BBOF1: variants seen among roughly 807,000 people sequenced by gnomAD.
The protein encoded by BBOF1 is basal body-orientation factor 1.
A neutral mutation model predicts 68.0 loss-of-function variants in BBOF1; 62 were observed. The ratio of observed to expected loss-of-function variants is 0.91; its 90% confidence interval spans 0.74 to 1.13. The LOEUF (loss-of-function observed/expected upper bound fraction) is 1.13, where lower values mean the gene tolerates loss of function less well. Ranked by LOEUF, BBOF1 falls within the 50% of genes most tolerant of loss-of-function variation. The probability of loss-of-function intolerance (pLI) is 0.00; values close to 1 mark genes in which losing one functional copy is unlikely to be tolerated. For missense variants in BBOF1, 534 were observed against 600.1 expected (o/e 0.89, Z 1.15); for synonymous variants, 208 against 198.8 (o/e 1.05, Z -0.39).
chr14:74,037,232 C>T (rs867569389), intron 4 of BBOF1, among the ~76,000 whole-genome samples: 7 of 148,298 alleles, frequency 4.7e-5, no homozygotes, highest in Middle Eastern at 3.6e-3. Flanking sequence ...CTCGGCCTCC[C>T]AAAGTGCTGG....
chr14:74,050,999 T>G (rs895535471), intron 8 of BBOF1, among the ~76,000 whole-genome samples: 1 of 151,722 alleles, frequency 6.6e-6, no homozygotes, highest in Non-Finnish European at 1.5e-5. Flanking sequence ...ATCCCAGCAC[T>G]TTGGGAGGCC....
intron 11 of BBOF1, chr14:74,059,325 T>C (rs566392656): frequency 8.8e-6 from 4 of 455,496 alleles, no homozygotes; most frequent in Non-Finnish European, 1.8e-5. Context: ...AAGGCAGGTG[T>C]CTTACCCATT....
At chr14:74,030,313 C>T (rs1018548679) in intron 3 of BBOF1, among the ~76,000 whole-genome samples, 4 of 151,904 alleles carry the variant, frequency 2.6e-5, no homozygotes, top group Non-Finnish European at 4.4e-5. Context: ...CTCAGCCTCC[C>T]GAGTAGCTAA....
intron 3 of BBOF1, among the ~76,000 whole-genome samples, chr14:74,029,742 A>G (rs1286090826): frequency 6.6e-6 from 1 of 152,100 alleles, no homozygotes; most frequent in Non-Finnish European, 1.5e-5. Context: ...GTAAAAAACC[A>G]TATAATATTA....
intron 5 of BBOF1, 140 bp from the exon 6 acceptor site, chr14:74,045,920 G>A (rs2059937868): frequency 3.1e-6 from 2 of 637,662 alleles, no homozygotes; most frequent in Admixed American, 3.3e-5. Context: ...CTCTTTGTCA[G>A]CTTCTCCACC....
At chr14:74,040,925 T>C (rs2059813598) in intron 5 of BBOF1, 1 of 407,846 alleles carries the variant, frequency 2.5e-6, no homozygotes, top group Admixed American at 4.4e-5. Context: ...TAAAGCTATG[T>C]GTACTCCCAT....
intron 2 of BBOF1, among the ~76,000 whole-genome samples, chr14:74,024,020 T>C (rs531568891): frequency 1.7e-4 from 26 of 152,184 alleles, no homozygotes; most frequent in Non-Finnish European, 1.9e-4. Context: ...TTTACCTCTC[T>C]TGATTCTTTT....
chr14:74,055,824 A>G, intron 9 of BBOF1, 139 bp downstream of exon 9: 1 of 579,570 alleles, frequency 1.7e-6, no homozygotes, highest in Non-Finnish European at 3.0e-6. Context: ...CTACTGCTTA[A>G]CTACTGCAGC....
intron 11 of BBOF1, chr14:74,059,299 C>G (rs918573634): frequency 1.2e-5 from 5 of 433,548 alleles, no homozygotes; most frequent in African/African-American, 4.1e-5. Context: ...CAAGTAATAG[C>G]AGGTTAGATT....
intron 8 of BBOF1, 109 bp downstream of exon 8, chr14:74,050,304 T>C: frequency 8.0e-7 from 1 of 1,254,826 alleles, no homozygotes; most frequent in Non-Finnish European, 1.1e-6. Context: ...TGAATAGATT[T>C]CTCAGTAGGT....
intron 3 of BBOF1, among the ~76,000 whole-genome samples, chr14:74,033,089 G>A (rs549590781): frequency 6.6e-6 from 1 of 151,834 alleles, no homozygotes; most frequent in South Asian, 2.1e-4. Context: ...TTGACTCCTA[G>A]CCAATTAATT....
intron 1 of BBOF1, 48 bp from the exon 2 acceptor site, chr14:74,022,868 A>T: frequency 1.0e-6 from 1 of 985,932 alleles, no homozygotes; most frequent in Non-Finnish European, 1.5e-6. Context: ...TCTGCATATT[A>T]GAGTTGTATA....
At chr14:74,076,030 T>G (rs751570888) in intron 9 of BBOF1, among the ~76,000 whole-genome samples, 8 of 152,172 alleles carry the variant, frequency 5.3e-5, no homozygotes, top group African/African-American at 9.7e-5. Context: ...CAAACAAATC[T>G]GTAATATCAG....
At chr14:74,044,194 C>A (rs1019857578) in intron 5 of BBOF1, among the ~76,000 whole-genome samples, 3 of 151,648 alleles carry the variant, frequency 2.0e-5, no homozygotes, top group Non-Finnish European at 4.4e-5. Context: ...TGCAGTGAGC[C>A]GAGATCATGC....
Position 74,034,121 on chromosome 14 carries a change from G to GT in BBOF1, c.446dup (p.Arg150LysfsTer16), listed in dbSNP as rs1711804033. On this transcript the variant is annotated frameshift_variant, in exon 4 of 12. Coordinates refer to ENST00000394009, the MANE Select transcript of BBOF1 (RefSeq NM_025057.3). LOFTEE classifies it high-confidence loss of function. ...CATGATTCACACAGAGCTGAAAGCA[G>GT]TAAGACAATTCCAGAAGAGAAAAAT... The GT allele has an allele frequency of 6.3e-7, 1 of 1,598,802 alleles. No homozygotes were observed. Among genetic ancestry groups the GT allele is most frequent in the Non-Finnish European group, 8.5e-7 (1 of 1,173,138 alleles).
intron 3 of BBOF1, among the ~76,000 whole-genome samples, chr14:74,033,825 C>CA (rs2059633441): frequency 6.6e-6 from 1 of 151,890 alleles, no homozygotes; most frequent in Admixed American, 6.6e-5. Context: ...AAGATCGCGC[C>CA]ATCGCACTCC....
chr14:74,066,599 T>C (rs769234420), downstream of BBOF1: 267 of 1,153,714 alleles, frequency 2.3e-4, no homozygotes, highest in Non-Finnish European at 3.2e-4. Context: ...TGGCAAGAGA[T>C]AAGGTCTTAG....
intron 9 of BBOF1, chr14:74,071,377 G>C (rs754539291): frequency 6.2e-7 from 1 of 1,614,130 alleles, no homozygotes; most frequent in Non-Finnish European, 8.5e-7. Flanking sequence ...ATTGAATGGA[G>C]CAATGCCTGC....
intron 8 of BBOF1, among the ~76,000 whole-genome samples, chr14:74,051,385 C>T (rs868234108): frequency 1.5e-4 from 23 of 151,748 alleles, no homozygotes; most frequent in Middle Eastern, 3.4e-3. Context: ...TGCACTCCAG[C>T]CTGGGCAACA....
Sources: allele counts gnomAD v4.1 joint callset (sites outside exome capture counted in the v4.1 genomes callset), GRCh38; gene constraint gnomAD v4.1.1; transcripts MANE v1.5; gene names NCBI Gene and HGNC (gene_info 2026-07-23, HGNC 2026-07-21).